DOCK8: variants seen among roughly 807,000 people sequenced by gnomAD.
DOCK8 encodes dedicator of cytokinesis protein 8.
DOCK8 carries 141 observed loss-of-function variants against 245.6 expected under a neutral mutation model. The observed-to-expected ratio is 0.57, with a 90% confidence interval of 0.50 to 0.66. DOCK8 has a LOEUF of 0.66. Ranked by LOEUF, DOCK8 falls within the 30% of genes least tolerant of loss-of-function variation. DOCK8 has a pLI of 0.00. For missense variants in DOCK8, 2,965 were observed against 2,603.4 expected (o/e 1.14, Z -3.02); for synonymous variants, 1,168 against 970.2 (o/e 1.20, Z -3.79).
intron 21 of DOCK8, 118 bp from the exon 22 acceptor site, chr9:382,395 T>C: frequency 7.0e-7 from 1 of 1,427,502 alleles, no homozygotes; most frequent in Non-Finnish European, 9.8e-7. Flanking sequence ...AAGTCTCTAA[T>C]TCCAAGGCCT....
At chr9:307,784 A>G (rs2049916883) in intron 5 of DOCK8, among the ~76,000 whole-genome samples, 1 of 152,196 alleles carries the variant, frequency 6.6e-6, no homozygotes, top group South Asian at 2.1e-4. Flanking sequence ...TTGCAGCACT[A>G]TTCACAGTAA....
At position 245,567 on chromosome 9, in the gene DOCK8, A is replaced by T. The variant is rs73638086; in HGVS notation, c.54-26060A>T. 4.0e-3 allele frequency among the ~76,000 whole-genome samples: 605 copies of T among 152,288 alleles called. 7 individuals carry two copies. Among genetic ancestry groups the T allele is most frequent in the African/African-American group, 0.014 (579 of 41,564 alleles). On this transcript the variant is annotated intron_variant, in intron 1 of 47. Transcript: ENST00000432829. ...CCTCAGAATACATCTCTAATGATGA[A>T]ATCATCAGGCAACTTGACAAAGAGT...
intron 14 of DOCK8, 116 bp downstream of exon 14, chr9:340,437 A>G (rs888328910): frequency 3.7e-6 from 5 of 1,338,786 alleles, no homozygotes; most frequent in Admixed American, 3.8e-5. Flanking sequence ...CCTTGGCAAC[A>G]TGGCAAAACC....
chr9:227,493 G>A (rs996935427), intron 1 of DOCK8, among the ~76,000 whole-genome samples: 4 of 152,174 alleles, frequency 2.6e-5, no homozygotes, highest in Admixed American at 6.6e-5. Flanking sequence ...TCCAGGTGGT[G>A]GATGATCTGT....
At chr9:405,783 A>G (rs2055387404) in intron 27 of DOCK8, among the ~76,000 whole-genome samples, 1 of 152,222 alleles carries the variant, frequency 6.6e-6, no homozygotes, top group Admixed American at 6.5e-5. Flanking sequence ...TGAAAAAAAA[A>G]TCTTAGCCAT....
intron 23 of DOCK8, among the ~76,000 whole-genome samples, chr9:387,814 C>T (rs1339683453): frequency 6.6e-6 from 1 of 152,200 alleles, no homozygotes; most frequent in African/African-American, 2.4e-5. Context: ...TACCATTTTC[C>T]TTTCTTAAAA....
At chr9:377,616 C>T (rs1159399554) in intron 20 of DOCK8, among the ~76,000 whole-genome samples, 2 of 152,160 alleles carry the variant, frequency 1.3e-5, no homozygotes, top group Admixed American at 6.5e-5. Context: ...GCAATGCAAT[C>T]AATTTTTAAA....
At chr9:398,912 AAAAG>A (rs1230319133) in intron 25 of DOCK8, among the ~76,000 whole-genome samples, 2 of 152,238 alleles carry the variant, frequency 1.3e-5, no homozygotes, top group African/African-American at 4.8e-5. Flanking sequence ...ATGTAGAAAA[AAAAG>A]TGACTGGAAG....
chr9:451,973 ATATATTTTTTTTTTTT>A lies in DOCK8; in HGVS notation c.5962-36_5962-21del, dbSNP rs757203330. On this transcript the variant is annotated intron_variant, in intron 45 of 47. Transcript: ENST00000432829. ...TGTGTGTGTATATATATATATATAT[ATATATTTTTTTTTTTT>A]TTTTTTTTTTTTTCCCACCAGGGAC... The A allele has an allele frequency of 8.6e-3, 3,178 of 368,492 alleles. 22 individuals are homozygous for A. The highest frequency in any genetic ancestry group is 0.036 in the African/African-American group (1,004 of 27,566). 22.8% of individuals were successfully genotyped at this position (368,492 alleles called of 1,614,324 possible).
chr9:274,171 C>T (rs1316772272), intron 2 of DOCK8, among the ~76,000 whole-genome samples: 1 of 152,160 alleles, frequency 6.6e-6, no homozygotes, highest in Non-Finnish European at 1.5e-5. Context: ...GAATTACTAC[C>T]TTAGCCGGGT....
intron 44 of DOCK8, 48 bp downstream of exon 44, chr9:446,654 G>T: frequency 6.3e-7 from 1 of 1,583,258 alleles, no homozygotes; most frequent in Non-Finnish European, 8.7e-7. Flanking sequence ...GGGCTGGGTG[G>T]CCTCCCAGGA....
Position 304,574 on chromosome 9 carries a change from A to T in DOCK8, c.405-7A>T, listed in dbSNP as rs768596452. 1.8e-5 allele frequency: 29 copies of T among 1,613,968 alleles called. No individual in the cohort carries two copies. The highest frequency in any genetic ancestry group is 2.5e-5 in the Non-Finnish European group (29 of 1,180,012). ...TCTCTCTCCAAATTAAATATCAACC[A>T]TAAAAGAAACCAAGGAAGTCCAGAA... On this transcript the variant is annotated splice_region_variant and splice_polypyrimidine_tract_variant and intron_variant, in intron 4 of 47. Transcript: ENST00000432829.
chr9:372,048 C>A, intron 17 of DOCK8, 137 bp from the exon 18 acceptor site: 1 of 774,156 alleles, frequency 1.3e-6, no homozygotes, highest in Non-Finnish European at 2.2e-6. Context: ...AAGAACTGGA[C>A]AGAAATTACT....
chr9:452,355 C>T, intron 46 of DOCK8: 1 of 336,798 alleles, frequency 3.0e-6, no homozygotes. Flanking sequence ...AGCAACACTA[C>T]TTGAACTACT....
intron 14 of DOCK8, among the ~76,000 whole-genome samples, chr9:360,938 C>A (rs953759816): frequency 8.5e-5 from 13 of 152,160 alleles, no homozygotes; most frequent in Admixed American, 6.5e-4. Context: ...GGCATGAGGA[C>A]CACTTGAGCC....
chr9:294,599 G>GT (rs565283105), intron 4 of DOCK8, among the ~76,000 whole-genome samples: 133 of 152,224 alleles, frequency 8.7e-4, no homozygotes, highest in Admixed American at 1.1e-3. Flanking sequence ...CCATACAACC[G>GT]TAAGTCCCAC....
At chr9:323,294 G>T (rs1413451280) in intron 7 of DOCK8, among the ~76,000 whole-genome samples, 4 of 137,642 alleles carry the variant, frequency 2.9e-5, no homozygotes, top group African/African-American at 1.1e-4. Flanking sequence ...CATGATCTCG[G>T]CTCACTGCAA....
rs1415768039 is a variant in DOCK8 at position 336,000 on chromosome 9, C to G, written c.1286-582C>G. 3.9e-5 allele frequency among the ~76,000 whole-genome samples: 6 copies of G among 152,250 alleles called. No individual in the cohort carries two copies. In the East Asian group the frequency reaches 1.2e-3, roughly 29 times the overall value. ...CAAAAGGGGATAAGAAACAACTGGG[C>G]AAACTATCAGGGTCCCAGCCCAAGT... On this transcript the variant is annotated intron_variant, in intron 11 of 47. Coordinates refer to ENST00000432829, the MANE Select transcript of DOCK8 (RefSeq NM_203447.4).
chr9:420,461 C>T lies in DOCK8; in HGVS notation c.3901C>T (p.Leu1301Phe). 6.2e-7 allele frequency: 1 copy of T among 1,614,178 alleles called. No individual in the cohort carries two copies. Among genetic ancestry groups the T allele is most frequent in the Non-Finnish European group, 8.5e-7 (1 of 1,180,038 alleles). The change falls in exon 31 of 48, where the codon CTC (leucine) becomes TTC (phenylalanine). Residue 1301 changes from leucine to phenylalanine, a missense_variant. Physicochemically the swap from Leu to Phe is conservative, Grantham distance 22. Around this residue, in one of 3 missense-constraint regions of DOCK8, gnomAD observed 2,825 missense variants for 2,453.5 expected, o/e 1.15. Coordinates refer to ENST00000432829, the MANE Select transcript of DOCK8 (RefSeq NM_203447.4). ...TACTCGCAACCTCATGATCTGCTTC[C>T]TCTGGATCATGAAAAATGCTGATCA... The part of the protein sequence containing the change: ...DTTRNLMICF[L>F]WIMKNADQSL...
Sources: gnomAD v4.1 joint callset for allele counts (sites outside exome capture counted in the v4.1 genomes callset) on GRCh38, gnomAD v4.1.1 for gene constraint, gnomAD v4.1.1 regional missense constraint, MANE v1.5 for transcripts, NCBI Gene and HGNC (gene_info 2026-07-23, HGNC 2026-07-21) for gene names.